NDUFV3: variants seen among roughly 807,000 people sequenced by gnomAD.
The protein encoded by NDUFV3 is NADH dehydrogenase [ubiquinone] flavoprotein 3, mitochondrial.
NDUFV3 carries 44 observed loss-of-function variants against 37.5 expected under a neutral mutation model. The observed-to-expected ratio is 1.17, with a 90% CI of 0.92 to 1.51. NDUFV3 has a LOEUF of 1.51. Ranked by LOEUF, NDUFV3 falls within the 40% of genes most tolerant of loss-of-function variation. NDUFV3 has a pLI of 0.00. For missense variants in NDUFV3, 580 were observed against 580.4 expected, an observed-to-expected ratio of 1.00 and a Z score of 0.01; for synonymous variants, 235 against 239.3, an observed-to-expected ratio of 0.98 and a Z score of 0.17.
intron 1 of NDUFV3, among the ~76,000 whole-genome samples, chr21:42,894,510 T>TTATATATAATATATA (rs1568854374): frequency 7.8e-4 from 50 of 63,864 alleles, no homozygotes; most frequent in African/African-American, 3.9e-3. Context: ...ATAATATATA[T>TTATATATAATATATA]TTATATATTA....
chr21:42,901,738 C>T (rs2058718622), intron 2 of NDUFV3, among the ~76,000 whole-genome samples: 1 of 152,322 alleles, frequency 6.6e-6, no homozygotes, highest in East Asian at 1.9e-4. Flanking sequence ...CTGCTATCCC[C>T]ATGTCATAGA....
At chr21:42,908,818 G>A in intron 3 of NDUFV3, 46 bp from the exon 4 acceptor site, 1 of 1,612,244 alleles carries the variant, frequency 6.2e-7, no homozygotes, top group Non-Finnish European at 8.5e-7. Context: ...CATTCATAAA[G>A]AGCTGTCCTT....
chr21:42,898,676 G>A (rs1221435283), intron 2 of NDUFV3, among the ~76,000 whole-genome samples: 2 of 152,126 alleles, frequency 1.3e-5, no homozygotes, highest in African/African-American at 2.4e-5. Context: ...TCACTGTATT[G>A]CCTAGACTGG....
chr21:42,896,291 G>A (rs996874875), intron 1 of NDUFV3, among the ~76,000 whole-genome samples: 1 of 151,502 alleles, frequency 6.6e-6, no homozygotes, highest in South Asian at 2.1e-4. Flanking sequence ...CAAGTAGCTG[G>A]GACTACAGGC....
At position 42,908,859 on chromosome 21, in the gene NDUFV3, C is replaced by T. The variant is rs771372661; in HGVS notation, c.1265-5C>T. On this transcript the variant is annotated splice_polypyrimidine_tract_variant and splice_region_variant and intron_variant, in intron 3 of 3. Coordinates refer to ENST00000354250, the MANE Select transcript of NDUFV3 (RefSeq NM_021075.4). ...GGTCTCATGGGCATCGTGTTTCCTCCGCAGAGCCAGCCCCAGTGCCTGCTG... is the reference window on the plus strand; with the variant it reads ...GGTCTCATGGGCATCGTGTTTCCTCTGCAGAGCCAGCCCCAGTGCCTGCTG... 1.5e-5 allele frequency: 25 copies of T among 1,614,116 alleles called. No individual in the cohort carries two copies. Among genetic ancestry groups the T allele is most frequent in the South Asian group, 1.5e-4 (14 of 91,086 alleles).
At chr21:42,903,059 G>A in intron 2 of NDUFV3, 123 bp from the exon 3 acceptor site, 1 of 1,347,444 alleles carries the variant, frequency 7.4e-7, no homozygotes. Context: ...TATGGGACCT[G>A]TCTTAGGATG....
chr21:42,898,498 C>T (rs564643399), intron 2 of NDUFV3, among the ~76,000 whole-genome samples: 103 of 152,192 alleles, frequency 6.8e-4, no homozygotes, highest in African/African-American at 2.4e-3. Flanking sequence ...GAAATAGAGT[C>T]TTGCTCTGTC....
chr21:42,904,803 T>G (rs976623760), intron 3 of NDUFV3, among the ~76,000 whole-genome samples: 1 of 149,832 alleles, frequency 6.7e-6, no homozygotes, highest in African/African-American at 2.5e-5. Context: ...CATCTTTTTT[T>G]TTTTTTGAGA....
intron 2 of NDUFV3, among the ~76,000 whole-genome samples, chr21:42,897,919 G>A (rs540716684): frequency 1.7e-4 from 26 of 150,976 alleles, no homozygotes; most frequent in Middle Eastern, 7.0e-3. Flanking sequence ...CTTGTGATCC[G>A]CCCGCCTTGG....
In NDUFV3 at chr21:42,903,181, G is replaced by T. The variant is rs757743644; in HGVS notation, c.170-1G>T. 1.2e-6 allele frequency: 2 copies of T among 1,614,138 alleles called. No individual in the cohort carries two copies. Among genetic ancestry groups the T allele is most frequent in the South Asian group, 2.2e-5 (2 of 91,074 alleles). On this transcript the variant is annotated splice_acceptor_variant, in intron 2 of 3. Coordinates refer to ENST00000354250, the MANE Select transcript of NDUFV3 (RefSeq NM_021075.4). LOFTEE classifies it high-confidence loss of function. ...ACATTCCTCTTTATGCCGTTTCCCA[G>T]ATGTAGTGGAACCAAAGGAGAGGGG... is the stretch of plus-strand genomic sequence containing the variant.
Position 42,913,122 on chromosome 21 carries a change from T to G in NDUFV3, c.*4101T>G, listed in dbSNP as rs1789933036. ...GGGTGTTTTAAGTGCTCAGCTTCCT[T>G]GGTTCTACCACCTTCTCTCCCTGAC... On this transcript the variant is annotated 3_prime_UTR_variant, in exon 4 of 4. Transcript: ENST00000354250. 2 of 152,202 alleles carry G rather than the reference T, an allele frequency of 1.3e-5. No individual in the cohort carries two copies. The highest frequency in any genetic ancestry group is 4.1e-4 in the South Asian group (2 of 4,826). 9.4% of individuals were successfully genotyped at this position (152,202 alleles called of 1,614,324 possible). A position where few individuals can be genotyped will look rare whatever the true frequency, so the allele number is the denominator to read the frequency against.
chr21:42,903,681 G>A lies in NDUFV3; in HGVS notation c.669G>A (p.Lys223=), dbSNP rs985190885. The A allele has an allele frequency of 3.1e-6, 5 of 1,614,046 alleles. No individual in the cohort carries two copies. Among genetic ancestry groups the A allele is most frequent in the Admixed American group, 1.7e-5 (1 of 59,990 alleles). ...ATGTGGACATTACTGATCCAGAGAA[G>A]CCCCACCAGCCAAAGAAGAAAGGGT... is the stretch of plus-strand genomic sequence containing the variant. ...KPHVDITDPE[K]PHQPKKKGSP... The change falls in exon 3 of 4, where the codon AAG becomes AAA. Residue 223 remains lysine, a synonymous_variant. Transcript: ENST00000354250.
At chr21:42,893,464 G>A in intron 1 of NDUFV3, 83 bp downstream of exon 1, 4 of 1,451,072 alleles carry the variant, frequency 2.8e-6, no homozygotes, top group Non-Finnish European at 3.7e-6. Context: ...TGCTGGTCAG[G>A]TCCGGGCCTG....
At chr21:42,894,981 C>T (rs2058684333) in intron 1 of NDUFV3, among the ~76,000 whole-genome samples, 1 of 152,074 alleles carries the variant, frequency 6.6e-6, no homozygotes, top group Non-Finnish European at 1.5e-5. Flanking sequence ...ACTTTTGAAG[C>T]AGTTTTTATA....
chr21:42,906,432 C>T (rs772490140), intron 3 of NDUFV3, among the ~76,000 whole-genome samples: 5 of 152,142 alleles, frequency 3.3e-5, no homozygotes, highest in African/African-American at 1.2e-4. Flanking sequence ...CCCCCCTCTC[C>T]GTCTGCTCTT....
Position 42,903,759 on chromosome 21 carries a change from G to T in NDUFV3, c.747G>T (p.Met249Ile), listed in dbSNP as rs765802259. ...AAAATGCGAGACCAAAAACCACAAT[G>T]CCCAGATCTCAAGTAGATGAAGAGT... is the stretch of plus-strand genomic sequence containing the variant. ...GRENARPKTT[M>I]PRSQVDEEFL... is the part of the protein sequence containing the mutation. Residue 249 changes from methionine to isoleucine, a missense_variant, in exon 3 of 4, where the codon ATG becomes ATT. Coordinates refer to ENST00000354250, the MANE Select transcript of NDUFV3 (RefSeq NM_021075.4). 1.2e-6 allele frequency: 2 copies of T among 1,614,012 alleles called. No individual in the cohort carries two copies. The highest frequency in any genetic ancestry group is 1.7e-6 in the Non-Finnish European group (2 of 1,180,030).
intron 2 of NDUFV3, among the ~76,000 whole-genome samples, chr21:42,899,288 A>G (rs1437787838): frequency 3.1e-5 from 1 of 32,730 alleles, no homozygotes; most frequent in Non-Finnish European, 6.3e-5. Context: ...TTTTTTTTTG[A>G]GACAGAGTTT....
At chr21:42,897,958 G>T (rs1050791184) in intron 2 of NDUFV3, among the ~76,000 whole-genome samples, 2 of 152,248 alleles carry the variant, frequency 1.3e-5, no homozygotes, top group African/African-American at 2.4e-5. Context: ...TTACAGGCGT[G>T]AGCCACCGTG....
rs753581206 is a variant in NDUFV3 at position 42,903,690 on chromosome 21, G to A, written c.678G>A (p.Gln226=). Residue 226 remains glutamine, a synonymous_variant, in exon 3 of 4, where the codon CAG becomes CAA. Coordinates refer to ENST00000354250, the MANE Select transcript of NDUFV3 (RefSeq NM_021075.4). ...TTACTGATCCAGAGAAGCCCCACCA[G>A]CCAAAGAAGAAAGGGTCCCCTGCTA... ...VDITDPEKPH[Q]PKKKGSPAKP... is the part of the protein sequence containing the mutation. The A allele has an allele frequency of 1.3e-5, 21 of 1,614,130 alleles. No homozygotes were observed. The South Asian group carries it at 1.8e-4, about 14-fold the overall frequency.
Sources: allele counts gnomAD v4.1 joint callset (sites outside exome capture counted in the v4.1 genomes callset), GRCh38; gene constraint gnomAD v4.1.1; transcripts MANE v1.5; gene names NCBI Gene and HGNC (gene_info 2026-07-23, HGNC 2026-07-21).